Variants in EMID1 observed in about 807,000 individuals in gnomAD.
The protein encoded by EMID1 is EMI domain-containing protein 1.
EMID1 carries 40 observed loss-of-function variants against 60.6 expected under a neutral mutation model. The ratio of observed to expected loss-of-function variants is 0.66; its 90% CI spans 0.51 to 0.86. The LOEUF (loss-of-function observed/expected upper bound fraction) is 0.86, where lower values mean the gene tolerates loss of function less well. Ranked by LOEUF, EMID1 falls within the 40% of genes least tolerant of loss-of-function variation. EMID1 has a pLI of 0.00. For synonymous variants in EMID1, 242 were observed against 231.0 expected (o/e 1.05, Z -0.43); for missense variants, 585 against 597.1 (o/e 0.98, Z 0.21).
At chr22:29,227,931 G>T (rs184663775) in intron 5 of EMID1, among the ~76,000 whole-genome samples, 187 of 151,944 alleles carry the variant, frequency 1.2e-3, no homozygotes, top group Non-Finnish European at 1.6e-4. Flanking sequence ...CAAGGAGGGC[G>T]GATCACCTGA....
At chr22:29,233,576 C>T (rs372188493) in intron 9 of EMID1, 38 bp from the exon 10 acceptor site, 42 of 1,611,042 alleles carry the variant, frequency 2.6e-5, no homozygotes, top group Non-Finnish European at 3.6e-5. Flanking sequence ...TGAGATTGTA[C>T]TTTGTTCCGG....
chr22:29,233,030 C>T (rs564871120), intron 8 of EMID1: 23 of 306,592 alleles, frequency 7.5e-5, no homozygotes, highest in Middle Eastern at 1.0e-3. Flanking sequence ...CCCAGAGCTG[C>T]GTAACATCCA....
At chr22:29,241,923 T>C (rs936808262) in intron 12 of EMID1, among the ~76,000 whole-genome samples, 2 of 151,904 alleles carry the variant, frequency 1.3e-5, no homozygotes, top group Non-Finnish European at 2.9e-5. Context: ...TTTATTTTAC[T>C]TTTTTGAGAT....
intron 13 of EMID1, among the ~76,000 whole-genome samples, chr22:29,245,850 C>T (rs182421091): frequency 6.3e-4 from 96 of 152,224 alleles, no homozygotes; most frequent in African/African-American, 2.2e-3. Flanking sequence ...CTTGGCAGAG[C>T]GGGAACTGGA....
chr22:29,208,517 C>A (rs2039763850), intron 1 of EMID1, among the ~76,000 whole-genome samples: 1 of 152,198 alleles, frequency 6.6e-6, no homozygotes, highest in South Asian at 2.1e-4. Flanking sequence ...CTTCACCAGC[C>A]CAGATCTCTC....
intron 7 of EMID1, 172 bp downstream of exon 7, chr22:29,231,854 C>G: frequency 1.6e-6 from 1 of 619,738 alleles, no homozygotes; most frequent in Non-Finnish European, 2.7e-6. Flanking sequence ...ATGAAGTCCT[C>G]TCTTATGTTC....
At chr22:29,216,246 G>A (rs2040078777) in intron 3 of EMID1, 1 of 957,100 alleles carries the variant, frequency 1.0e-6, no homozygotes, top group African/African-American at 1.8e-5. Flanking sequence ...CACCCTGCAG[G>A]GGCACAGAGG....
chr22:29,219,190 G>A (rs951087976), intron 3 of EMID1, among the ~76,000 whole-genome samples: 14 of 152,156 alleles, frequency 9.2e-5, no homozygotes, highest in African/African-American at 3.1e-4. Flanking sequence ...TCTTTCCCCT[G>A]CAGCAGTGCT....
At chr22:29,215,736 G>A (rs565705726) in intron 3 of EMID1, 106 bp downstream of exon 3, 2 of 832,852 alleles carry the variant, frequency 2.4e-6, no homozygotes, top group African/African-American at 3.3e-5. Context: ...ACAGTACCAT[G>A]CCTGCTGGGG....
chr22:29,209,862 C>T lies in EMID1; in HGVS notation c.101+3723C>T, dbSNP rs369927690. On this transcript the variant is annotated intron_variant, in intron 1 of 14. Transcript: ENST00000334018. ...GAGCAGAATAAGAAGTGAAGGGCAG[C>T]GCTTGCAGGGCTATAGGGAGTCATG... Among the ~76,000 whole-genome samples the T allele has an allele frequency of 3.9e-5, 6 of 152,158 alleles. No homozygotes were observed. In the East Asian group the frequency reaches 5.8e-4, roughly 15 times the overall value.
intron 6 of EMID1, 197 bp downstream of exon 6, chr22:29,231,337 C>T (rs2040732707): frequency 1.1e-6 from 1 of 901,084 alleles, no homozygotes; most frequent in Admixed American, 2.5e-5. Context: ...CCCTGGAGAC[C>T]AAGCAGCCCC....
At chr22:29,240,711 C>G (rs1244699413) in intron 12 of EMID1, among the ~76,000 whole-genome samples, 1 of 152,242 alleles carries the variant, frequency 6.6e-6, no homozygotes, top group Admixed American at 6.5e-5. Flanking sequence ...ATCGCATTCT[C>G]TCAACCCCCA....
chr22:29,206,186 C>A, intron 1 of EMID1, 47 bp downstream of exon 1: 1 of 1,195,268 alleles, frequency 8.4e-7, no homozygotes, highest in Non-Finnish European at 1.0e-6. Context: ...AGGGTCCCGG[C>A]GCGCACACGC....
chr22:29,255,324 C>T, intron 14 of EMID1: 1 of 1,525,498 alleles, frequency 6.6e-7, no homozygotes, highest in Middle Eastern at 1.7e-4. Context: ...AGCTCCTGGC[C>T]AGACGGGTCA....
intron 14 of EMID1, among the ~76,000 whole-genome samples, chr22:29,256,953 T>C (rs1244042761): frequency 6.6e-6 from 1 of 152,152 alleles, no homozygotes; most frequent in Non-Finnish European, 1.5e-5. Flanking sequence ...CCTCCTCCCC[T>C]CTTACAGAGA....
intron 3 of EMID1, among the ~76,000 whole-genome samples, chr22:29,220,196 G>A (rs1209373642): frequency 6.6e-6 from 1 of 152,178 alleles, no homozygotes; most frequent in Admixed American, 6.5e-5. Context: ...CCGGCAAGTC[G>A]CTGCTCTGCC....
intron 13 of EMID1, chr22:29,253,930 C>G: frequency 1.0e-6 from 1 of 985,456 alleles, no homozygotes; most frequent in Non-Finnish European, 1.2e-6. Context: ...CTGCCTTCAG[C>G]GCAGCAGGAT....
intron 1 of EMID1, among the ~76,000 whole-genome samples, chr22:29,213,048 T>C (rs566707701): frequency 8.4e-4 from 128 of 152,342 alleles, no homozygotes; most frequent in African/African-American, 2.6e-3. Context: ...CATTTTTTTC[T>C]CACTTTATAT....
chr22:29,244,404 A>C (rs1435258401), intron 13 of EMID1, among the ~76,000 whole-genome samples: 1 of 152,184 alleles, frequency 6.6e-6, no homozygotes, highest in Non-Finnish European at 1.5e-5. Context: ...CAGCCTGGCC[A>C]ACATGGCAAA....
Sources: allele counts gnomAD v4.1 joint callset (sites outside exome capture counted in the v4.1 genomes callset), GRCh38; gene constraint gnomAD v4.1.1; transcripts MANE v1.5; gene names NCBI Gene and HGNC (gene_info 2026-07-23, HGNC 2026-07-21).